The following DDX21 variants were observed in gnomAD, a reference collection of about 807,000 sequenced individuals.
DDX21 encodes the protein DExD-box helicase 21.
A neutral mutation model predicts 90.0 loss-of-function variants in DDX21; 18 were observed. The ratio of observed to expected loss-of-function variants is 0.20; its 90% CI spans 0.14 to 0.30. DDX21 has a LOEUF of 0.30. Among genes scored for constraint, DDX21 ranks in the 10% least tolerant of loss-of-function variants. The pLI, the probability that DDX21 is intolerant of heterozygous loss-of-function variation, is 1.00. For synonymous variants in DDX21, 294 were observed against 318.0 expected (o/e 0.92, Z 0.80); for missense variants, 673 against 944.5 (o/e 0.71, Z 3.77).
rs1021389084 is a variant in DDX21 at position 68,980,564 on chromosome 10, T to C, written c.2038-973T>C. ...GTAGGTGATGATACCTATGTTATGATTGGGTAAATTTTGGGGTGAAAGGGG... is the reference window on the plus strand; with the variant it reads ...GTAGGTGATGATACCTATGTTATGACTGGGTAAATTTTGGGGTGAAAGGGG... On this transcript the variant is annotated intron_variant, in intron 13 of 14. Transcript: ENST00000354185. 8.5e-5 allele frequency among the ~76,000 whole-genome samples: 13 copies of C among 152,166 alleles called. No individual in the cohort carries two copies. The East Asian group carries it at 1.3e-3, about 16-fold the overall frequency.
chr10:68,967,330 C>T lies in DDX21; in HGVS notation c.1090+127C>T, dbSNP rs146965975. On this transcript the variant is annotated intron_variant, in intron 6 of 14. Coordinates refer to ENST00000354185, the MANE Select transcript of DDX21 (RefSeq NM_004728.4). ...CTGGGATTACAGGCACCCACCACCA[C>T]GCCTGGCCTCGTATTTTTAGTAGAG... is the stretch of plus-strand genomic sequence containing the variant. The T allele has an allele frequency of 7.0e-4, 589 of 839,444 alleles. 2 individuals are homozygous for T. The African/African-American group carries it at 9.0e-3, about 13-fold the overall frequency. The allele number at this position is 839,444 out of a possible 1,614,324, so 52.0% of individuals were successfully genotyped here.
At chr10:68,962,220 ATTTTTGTTAAG>A (rs1842880817) in intron 3 of DDX21, 63 bp downstream of exon 3, 4 of 1,286,778 alleles carry the variant, frequency 3.1e-6, no homozygotes, top group Admixed American at 2.0e-5. Flanking sequence ...GCACTCCACT[ATTTTTGTTAAG>A]ATGAACCAGG....
intron 13 of DDX21, among the ~76,000 whole-genome samples, chr10:68,980,351 C>A (rs187032010): frequency 6.6e-6 from 1 of 152,276 alleles, no homozygotes; most frequent in Admixed American, 6.5e-5. Flanking sequence ...ATCTGTACTT[C>A]AGAGTCTTTA....
At chr10:68,965,548 C>T in intron 5 of DDX21, 54 bp downstream of exon 5, 1 of 1,301,062 alleles carries the variant, frequency 7.7e-7, no homozygotes, top group Non-Finnish European at 1.1e-6. Flanking sequence ...GTTGACTGCT[C>T]TGATTGGATT....
rs987300419 is a variant in DDX21 at position 68,977,760 on chromosome 10, A to C, written c.1902+72A>C. On this transcript the variant is annotated intron_variant, in intron 12 of 14. Coordinates refer to ENST00000354185, the MANE Select transcript of DDX21 (RefSeq NM_004728.4). ...AGCAGGATATGAAAGGGTTTCATTT[A>C]AGCTTCCCAGTTGTTTTCATTTTCT... is the stretch of plus-strand genomic sequence containing the variant. 3.5e-6 allele frequency: 5 copies of C among 1,423,708 alleles called. No individual in the cohort carries two copies. In the Admixed American group the frequency reaches 8.9e-5, roughly 25 times the overall value. The allele number at this position is 1,423,708 out of a possible 1,614,324, so 88.2% of individuals were successfully genotyped here.
At chr10:68,974,771 G>A (rs1237125696) in intron 11 of DDX21, 28 bp downstream of exon 11, 2 of 1,586,170 alleles carry the variant, frequency 1.3e-6, no homozygotes, top group African/African-American at 1.3e-5. Flanking sequence ...GCTATGGTCT[G>A]TTTTAGTGTT....
intron 6 of DDX21, 36 bp downstream of exon 6, chr10:68,967,239 C>A (rs1254573377): frequency 1.9e-6 from 3 of 1,588,196 alleles, no homozygotes; most frequent in Admixed American, 1.7e-5. Context: ...TAAAAAAGAC[C>A]AAAGGAAGGG....
At chr10:68,966,158 T>TG (rs2132084123) in intron 5 of DDX21, among the ~76,000 whole-genome samples, 1 of 151,182 alleles carries the variant, frequency 6.6e-6, no homozygotes, top group African/African-American at 2.4e-5. Flanking sequence ...TAGCCGGGCG[T>TG]GGTGGCAGGC....
At chr10:68,967,311 T>C (rs1290134895) in intron 6 of DDX21, 108 bp downstream of exon 6, 3 of 1,102,620 alleles carry the variant, frequency 2.7e-6, no homozygotes. Context: ...GTAACTGGGA[T>C]TACAGGCACC....
chr10:68,965,564 T>A (rs1286854728), intron 5 of DDX21, 70 bp downstream of exon 5: 1 of 1,157,430 alleles, frequency 8.6e-7, no homozygotes, highest in East Asian at 2.3e-5. Context: ...GGATTTCTTT[T>A]CACCTTGACA....
intron 11 of DDX21, among the ~76,000 whole-genome samples, chr10:68,976,849 G>A (rs1390867204): frequency 6.6e-6 from 1 of 152,176 alleles, no homozygotes; most frequent in Non-Finnish European, 1.5e-5. Context: ...TTATTGCCAA[G>A]ATAATAGTGA....
intron 13 of DDX21, among the ~76,000 whole-genome samples, chr10:68,980,317 C>G (rs916704464): frequency 3.3e-5 from 5 of 152,090 alleles, no homozygotes; most frequent in Non-Finnish European, 7.4e-5. Context: ...TTAAATCTTA[C>G]CAGGCAATGT....
At chr10:68,978,606 G>T (rs1356817193) in intron 12 of DDX21, among the ~76,000 whole-genome samples, 2 of 152,046 alleles carry the variant, frequency 1.3e-5, no homozygotes, top group East Asian at 3.8e-4. Context: ...TCCCTAAATG[G>T]CAATATTTTG....
chr10:68,957,050 A>AAAAAATGTGGG (rs1554839733), intron 1 of DDX21, among the ~76,000 whole-genome samples: 8 of 151,870 alleles, frequency 5.3e-5, no homozygotes, highest in Admixed American at 5.2e-4. Context: ...TCAAAAAAAA[A>AAAAAATGTGGG]AAAAATGTGG....
At chr10:68,978,511 T>C (rs1843139385) in intron 12 of DDX21, among the ~76,000 whole-genome samples, 1 of 152,220 alleles carries the variant, frequency 6.6e-6, no homozygotes, top group Admixed American at 6.5e-5. Flanking sequence ...TTCCTGTAAA[T>C]TCAAATTTTT....
At chr10:68,978,809 C>T in intron 12 of DDX21, 33 bp from the exon 13 acceptor site, 1 of 1,585,980 alleles carries the variant, frequency 6.3e-7, no homozygotes, top group South Asian at 1.1e-5. Context: ...ATTTTCAGCA[C>T]TTTAATTTTA....
chr10:68,963,220 A>G, intron 3 of DDX21, 71 bp from the exon 4 acceptor site: 2 of 1,449,908 alleles, frequency 1.4e-6, no homozygotes, highest in Non-Finnish European at 1.9e-6. Flanking sequence ...TGAGTAGTAT[A>G]CTTCAGTATG....
At chr10:68,973,437 C>G (rs952427665) in intron 9 of DDX21, 108 bp from the exon 10 acceptor site, 4 of 1,392,954 alleles carry the variant, frequency 2.9e-6, no homozygotes, top group Admixed American at 3.8e-5. Flanking sequence ...TCCCTCATGT[C>G]CCCAGGTTTA....
In DDX21 at chr10:68,970,210, A is replaced by T; in HGVS notation, c.1246A>T (p.Ile416Phe). The stretch of plus-strand genomic sequence containing the variant: ...TTTCTTCTTACATAAGCATCTGGCT[A>T]TTAAGTGCCACTGGACTCAGAGGGC... ...KTAITVEHLA[I>F]KCHWTQRAAV... is the part of the protein sequence containing the mutation. Residue 416 changes from isoleucine (I) to phenylalanine (F), a missense_variant, in exon 8 of 15, where the codon ATT becomes TTT. Ile to Phe is a conservative substitution (Grantham distance 21). Transcript: ENST00000354185. The T allele has an allele frequency of 6.2e-7, 1 of 1,603,772 alleles. No homozygotes were observed. Among genetic ancestry groups the T allele is most frequent in the Non-Finnish European group, 8.5e-7 (1 of 1,177,088 alleles).
Sources: allele counts gnomAD v4.1 joint callset (sites outside exome capture counted in the v4.1 genomes callset), GRCh38; gene constraint gnomAD v4.1.1; transcripts MANE v1.5; gene names NCBI Gene and HGNC (gene_info 2026-07-23, HGNC 2026-07-21).